Variants in CYTH1 observed in about 807,000 individuals in gnomAD.
The protein encoded by CYTH1 is cytohesin 1.
In CYTH1, 18 loss-of-function variants were observed where a neutral mutation model predicts 61.8. The ratio of observed to expected loss-of-function variants is 0.29; its 90% CI spans 0.20 to 0.43. CYTH1 has a LOEUF of 0.43. Ranked by LOEUF, CYTH1 falls within the 20% of genes least tolerant of loss-of-function variation. The probability of loss-of-function intolerance (pLI) is 1.00; values close to 1 mark genes in which losing one functional copy is unlikely to be tolerated. For synonymous variants in CYTH1, 174 were observed against 184.3 expected (o/e 0.94, Z 0.45); for missense variants, 336 against 510.5 (o/e 0.66, Z 3.29).
intron 1 of CYTH1, among the ~76,000 whole-genome samples, chr17:78,757,214 C>T (rs1033138136): frequency 1.3e-5 from 2 of 152,016 alleles, no homozygotes; most frequent in Non-Finnish European, 2.9e-5. Context: ...TCCCAAAGTG[C>T]TGGGATTACA....
chr17:78,698,832 C>G lies in CYTH1; in HGVS notation c.687G>C (p.Glu229Asp). The G allele has an allele frequency of 6.3e-7, 1 of 1,583,660 alleles. No homozygotes were observed. The highest frequency in any genetic ancestry group is 1.2e-5 in the South Asian group (1 of 84,986). ...RGINDGGDLP[E>D]ELLRNLYESI... ...CTTCCTTGCTTACCCGGAGGAGCTC[C>G]TCCGGCAGGTCTCCCCCATCATTGA... is the stretch of plus-strand genomic sequence containing the variant. Residue 229 changes from glutamate (E) to aspartate (D), a missense_variant, in exon 8 of 14, where the codon GAG becomes GAC. Around this residue, in one of 4 missense-constraint regions of CYTH1, gnomAD observed 125 missense variants for 209.9 expected, o/e 0.60. Coordinates refer to ENST00000446868, the MANE Select transcript of CYTH1 (RefSeq NM_004762.6).
intron 1 of CYTH1, among the ~76,000 whole-genome samples, chr17:78,740,959 C>CT (rs2093339660): frequency 6.6e-6 from 1 of 151,980 alleles, no homozygotes; most frequent in Non-Finnish European, 1.5e-5. Context: ...ATTACAAAAC[C>CT]AGAACAATAA....
chr17:78,711,376 A>G (rs940723001), intron 1 of CYTH1, among the ~76,000 whole-genome samples: 2 of 151,920 alleles, frequency 1.3e-5, no homozygotes, highest in East Asian at 1.9e-4. Context: ...TGACTTTTTA[A>G]TAATATTTTA....
At chr17:78,740,318 T>C (rs1305791414) in intron 1 of CYTH1, among the ~76,000 whole-genome samples, 1 of 152,180 alleles carries the variant, frequency 6.6e-6, no homozygotes, top group Non-Finnish European at 1.5e-5. Context: ...GCCCCATCAT[T>C]CCTTCCACCC....
chr17:78,729,655 G>A (rs2093283081), intron 1 of CYTH1, among the ~76,000 whole-genome samples: 1 of 152,126 alleles, frequency 6.6e-6, no homozygotes, highest in African/African-American at 2.4e-5. Flanking sequence ...CTTAAGAGTG[G>A]ATATGCTCCC....
intron 2 of CYTH1, 31 bp downstream of exon 2, chr17:78,709,619 C>T (rs375098768): frequency 2.9e-4 from 466 of 1,611,378 alleles, no homozygotes; most frequent in South Asian, 4.4e-4. Flanking sequence ...GTGGTTCTTA[C>T]GTTGGTGAAA....
chr17:78,692,398 C>A lies in CYTH1; in HGVS notation c.891+19G>T. ...GCCTTGCCCATCCCTAGTCTGGAGG[C>A]CGACTAGCAGGTGCTCACCGTGGTA... On this transcript the variant is annotated intron_variant, in intron 11 of 13. Coordinates refer to ENST00000446868, the MANE Select transcript of CYTH1 (RefSeq NM_004762.6). 1.2e-6 allele frequency: 2 copies of A among 1,613,844 alleles called. No individual in the cohort carries two copies. The highest frequency in any genetic ancestry group is 1.7e-6 in the Non-Finnish European group (2 of 1,179,790).
intron 1 of CYTH1, among the ~76,000 whole-genome samples, chr17:78,714,262 C>T (rs1264666855): frequency 6.6e-6 from 1 of 151,960 alleles, no homozygotes; most frequent in Non-Finnish European, 1.5e-5. Context: ...TGCACTCCAG[C>T]CTGGGCAACA....
At chr17:78,708,296 G>A (rs1843172105) in intron 2 of CYTH1, 35 bp from the exon 3 acceptor site, 2 of 1,574,688 alleles carry the variant, frequency 1.3e-6, no homozygotes, top group Middle Eastern at 1.7e-4. Context: ...AGCAGGAAAG[G>A]CAGATGCAGA....
chr17:78,708,800 G>A (rs1031045722), intron 2 of CYTH1: 9 of 154,382 alleles, frequency 5.8e-5, no homozygotes, highest in South Asian at 2.0e-4. Flanking sequence ...GGGCTCTCAC[G>A]GGGAAGTGGG....
At chr17:78,731,765 A>C (rs1398377338) in intron 1 of CYTH1, among the ~76,000 whole-genome samples, 2 of 151,732 alleles carry the variant, frequency 1.3e-5, no homozygotes, top group South Asian at 2.1e-4. Flanking sequence ...CAAAAAAAAA[A>C]AAAAAACAAA....
intron 9 of CYTH1, among the ~76,000 whole-genome samples, chr17:78,697,325 C>CA (rs5822262): frequency 0.57 from 54,256 of 95,136 alleles, 14,113 homozygotes; most frequent in Non-Finnish European, 0.62. Flanking sequence ...TGCTAGTGTC[C>CA]AAAAAAAAAA....
At chr17:78,690,935 C>T (rs548141193) in intron 11 of CYTH1, among the ~76,000 whole-genome samples, 6 of 151,974 alleles carry the variant, frequency 3.9e-5, no homozygotes, top group Admixed American at 1.3e-4. Flanking sequence ...AATTCAGACA[C>T]GATGTTAAAG....
intron 1 of CYTH1, among the ~76,000 whole-genome samples, chr17:78,745,148 C>T (rs2093355110): frequency 6.6e-6 from 1 of 152,114 alleles, no homozygotes; most frequent in African/African-American, 2.4e-5. Context: ...GCCAGGACTG[C>T]AGTCTCCTGT....
At chr17:78,718,009 C>T (rs2093196422) in intron 1 of CYTH1, among the ~76,000 whole-genome samples, 1 of 152,048 alleles carries the variant, frequency 6.6e-6, no homozygotes, top group African/African-American at 2.4e-5. Context: ...TGCGGGGAAA[C>T]ATTTTATAAA....
intron 1 of CYTH1, among the ~76,000 whole-genome samples, chr17:78,760,492 T>C (rs1227686947): frequency 2.0e-5 from 1 of 49,794 alleles, no homozygotes; most frequent in Admixed American, 2.1e-4. Context: ...TATGTATATA[T>C]ATATACATAT....
At position 78,782,227 on chromosome 17, in the gene CYTH1, G is replaced by GCGGGAGC; in HGVS notation, c.-11_-5dup. Reference sequence around the variant, plus strand: ...CGTAGCTGTCGTCCTCCTCCATGGTGCGGGAGCCGGGCTCCGCGCTCCGGC... The same window carrying GCGGGAGC: ...CGTAGCTGTCGTCCTCCTCCATGGTGCGGGAGCCGGGAGCCGGGCTCCGCGCTCCGGC... On this transcript the variant is annotated 5_prime_UTR_variant, in exon 1 of 14. Coordinates refer to ENST00000446868, the MANE Select transcript of CYTH1 (RefSeq NM_004762.6). 1.5e-6 allele frequency: 2 copies of GCGGGAGC among 1,331,944 alleles called. No individual in the cohort carries two copies. Among genetic ancestry groups the GCGGGAGC allele is most frequent in the Non-Finnish European group, 9.7e-7 (1 of 1,026,000 alleles). The allele number at this position is 1,331,944 out of a possible 1,614,324, so 82.5% of individuals were successfully genotyped here.
chr17:78,702,418 T>G lies in CYTH1; in HGVS notation c.237+120A>C, dbSNP rs1188547389. On this transcript the variant is annotated intron_variant, in intron 4 of 13. Coordinates refer to ENST00000446868, the MANE Select transcript of CYTH1 (RefSeq NM_004762.6). ...GAACAAGGGCTTAGTGCATAACATT[T>G]GCTCTACAAAACGGCAACATGAACT... The G allele has an allele frequency of 2.6e-6, 3 of 1,148,198 alleles. No individual in the cohort carries two copies. The East Asian group carries it at 7.1e-5, about 27-fold the overall frequency. 71.1% of individuals were successfully genotyped at this position (1,148,198 alleles called of 1,614,324 possible). A position where few individuals can be genotyped will look rare whatever the true frequency, so the allele number is the denominator to read the frequency against.
At chr17:78,730,369 C>CAAAAAAAA (rs56790957) in intron 1 of CYTH1, among the ~76,000 whole-genome samples, 2 of 95,356 alleles carry the variant, frequency 2.1e-5, no homozygotes, top group African/African-American at 8.2e-5. Context: ...ACTAAAAATA[C>CAAAAAAAA]AAAAAAAAAA....
Sources: gnomAD v4.1 joint callset for allele counts (sites outside exome capture counted in the v4.1 genomes callset) on GRCh38, gnomAD v4.1.1 for gene constraint, gnomAD v4.1.1 regional missense constraint, MANE v1.5 for transcripts, NCBI Gene and HGNC (gene_info 2026-07-23, HGNC 2026-07-21) for gene names.